The following NECAB2 variants were observed in gnomAD, a reference collection of about 807,000 sequenced individuals.
The protein encoded by NECAB2 is N-terminal EF-hand calcium-binding protein 2.
Under a neutral mutation model 51.9 loss-of-function variants are expected in NECAB2, and 68 were observed. That is an observed-to-expected ratio of 1.31 (90% CI 1.08 to 1.60). NECAB2 has a LOEUF of 1.60. NECAB2 is among the 40% of genes most tolerant of loss of function. NECAB2 has a pLI of 0.00. For synonymous variants in NECAB2, 329 were observed against 203.5 expected (o/e 1.62, Z -5.25); for missense variants, 854 against 490.3 (o/e 1.74, Z -7.00).
At chr16:83,997,146 C>CT (rs2084715341) in intron 8 of NECAB2, 70 bp from the exon 9 acceptor site, 1 of 1,596,864 alleles carries the variant, frequency 6.3e-7, no homozygotes, top group African/African-American at 1.3e-5. Context: ...CCAGGGATCC[C>CT]AGAGCTCCTG....
chr16:83,971,200 A>G (rs1373528990), intron 1 of NECAB2, among the ~76,000 whole-genome samples: 1 of 152,194 alleles, frequency 6.6e-6, no homozygotes, highest in Non-Finnish European at 1.5e-5. Flanking sequence ...CTGCATTGCA[A>G]ACAAGCTCCT....
chr16:83,999,608 A>C (rs1005376005), intron 10 of NECAB2, among the ~76,000 whole-genome samples: 3 of 152,004 alleles, frequency 2.0e-5, no homozygotes, highest in African/African-American at 7.3e-5. Context: ...CTTTATGGTC[A>C]CTTGGGGCTT....
chr16:83,972,943 C>T (rs534850195), intron 2 of NECAB2, among the ~76,000 whole-genome samples: 4 of 152,328 alleles, frequency 2.6e-5, no homozygotes, highest in East Asian at 1.9e-4. Context: ...ACGCAACTCA[C>T]CGTGGACTTG....
chr16:83,965,515 C>T, upstream of NECAB2: 1 of 1,612,294 alleles, frequency 6.2e-7, no homozygotes, highest in Non-Finnish European at 8.5e-7. Flanking sequence ...TGATCCATGC[C>T]TTCCGCCGGG....
intron 5 of NECAB2, among the ~76,000 whole-genome samples, chr16:83,981,430 G>A (rs993655534): frequency 9.0e-5 from 13 of 143,886 alleles, no homozygotes; most frequent in African/African-American, 2.8e-4. Context: ...GACAGGTGTC[G>A]TACCCTTCAG....
rs1261120982 is a variant in NECAB2, at chr16:84,002,048, C to T, written c.1132+132C>T. 13 of 1,142,590 alleles carry T rather than the reference C, an allele frequency of 1.1e-5. No homozygotes were observed. The South Asian group carries it at 1.4e-4, about 12-fold the overall frequency. 70.8% of individuals were successfully genotyped at this position (1,142,590 alleles called of 1,614,324 possible). ...CCACTGTCAGCTCCTGCCACCAATG[C>T]CAGGCTCAGAGCCAGCCCTGAGGTG... is the stretch of plus-strand genomic sequence containing the variant. On this transcript the variant is annotated intron_variant, in intron 12 of 12. Transcript: ENST00000305202.
At chr16:83,965,887 C>T (rs1242465167), upstream of NECAB2, 1 of 1,612,920 alleles carries the variant, frequency 6.2e-7, no homozygotes, top group South Asian at 1.1e-5. Flanking sequence ...AGAGCACCCG[C>T]CAGGAGGGCC....
chr16:83,994,520 C>T (rs970573158), intron 7 of NECAB2, 89 bp from the exon 8 acceptor site: 3 of 1,594,992 alleles, frequency 1.9e-6, no homozygotes, highest in African/African-American at 1.3e-5. Flanking sequence ...AAGTTTGATG[C>T]CCCTGGAGGG....
At chr16:84,000,688 C>G in intron 10 of NECAB2, 36 bp from the exon 11 acceptor site, 1 of 1,605,672 alleles carries the variant, frequency 6.2e-7, no homozygotes, top group Non-Finnish European at 8.5e-7. Flanking sequence ...CTTGGTTGAG[C>G]TCCAGCCTCC....
intron 1 of NECAB2, among the ~76,000 whole-genome samples, chr16:83,969,449 A>G (rs1039227270): frequency 2.6e-5 from 4 of 151,818 alleles, no homozygotes; most frequent in African/African-American, 9.7e-5. Context: ...ATCAGCCCTG[A>G]GCTGGTACCC....
chr16:84,002,337 A>C lies in NECAB2; in HGVS notation c.1152A>C (p.Gly384=), dbSNP rs1386392530. Residue 384 remains glycine (G), a synonymous_variant, in exon 13 of 13, where the codon GGA becomes GGC. Transcript: ENST00000305202. The stretch of plus-strand genomic sequence containing the variant: ...TTTTAGCTGCTTGGTGCACGGTGGG[A>C]CGGGACTGACAGCCTCCCAGAGGCC... The part of the protein sequence containing the change: ...ILVPAAWCTV[G]RD The C allele has an allele frequency of 1.9e-6, 3 of 1,613,862 alleles. No individual in the cohort carries two copies. In the African/African-American group the frequency reaches 4.0e-5, roughly 22 times the overall value.
chr16:83,966,302 C>T (rs1330352779), upstream of NECAB2: 7 of 458,468 alleles, frequency 1.5e-5, no homozygotes, highest in Non-Finnish European at 2.7e-5. Context: ...CTTCCAGAAG[C>T]AGGTCCCAAA....
chr16:83,999,209 C>T (rs34956894), intron 10 of NECAB2, among the ~76,000 whole-genome samples: 7,671 of 152,218 alleles, frequency 0.05, 201 homozygotes, highest in East Asian at 0.11. Flanking sequence ...GGCAGGAGTG[C>T]GGCCGTTCCC....
intron 9 of NECAB2, among the ~76,000 whole-genome samples, chr16:83,997,576 C>G (rs1342399650): frequency 7.0e-6 from 1 of 143,506 alleles, no homozygotes; most frequent in Non-Finnish European, 1.5e-5. Flanking sequence ...CAACCTCTGC[C>G]TCCTGGGTTC....
rs111796161 is a variant in NECAB2 at position 83,996,868 on chromosome 16, C to A, written c.796-348C>A. ...GGGAAGACCAGAGAGAACAGTTCAC[C>A]CCATTAGATCCCTGAGGTGCTGGGG... is the stretch of plus-strand genomic sequence containing the variant. On this transcript the variant is annotated intron_variant, in intron 8 of 12. Coordinates refer to ENST00000305202, the MANE Select transcript of NECAB2 (RefSeq NM_019065.3). Among the ~76,000 whole-genome samples, 848 of 152,154 alleles carry A rather than the reference C, an allele frequency of 5.6e-3. 10 individuals are homozygous for A. The highest frequency in any genetic ancestry group is 0.02 in the African/African-American group (813 of 41,486).
chr16:83,972,788 T>G (rs1245505696), intron 2 of NECAB2, among the ~76,000 whole-genome samples: 1 of 152,148 alleles, frequency 6.6e-6, no homozygotes, highest in East Asian at 1.9e-4. Flanking sequence ...TTCATAGCGC[T>G]CCACTTCTCC....
rs779238174 is a variant in NECAB2, at chr16:83,998,203, A to C, written c.850-2A>C. ...CACACTGACTCCTGCTGTGCCCGGCAGCACCTGCAGCTGGTCCGGCAGGAG... is the reference window on the plus strand; with the variant it reads ...CACACTGACTCCTGCTGTGCCCGGCCGCACCTGCAGCTGGTCCGGCAGGAG... On this transcript the variant is annotated splice_acceptor_variant, in intron 9 of 12. Transcript: ENST00000305202. LOFTEE classifies it high-confidence loss of function. The C allele has an allele frequency of 1.9e-6, 3 of 1,608,398 alleles. No individual in the cohort carries two copies. Among genetic ancestry groups the C allele is most frequent in the African/African-American group, 1.3e-5 (1 of 75,068 alleles).
intron 9 of NECAB2, among the ~76,000 whole-genome samples, chr16:83,997,841 T>C (rs988120681): frequency 1.3e-5 from 2 of 152,102 alleles, no homozygotes; most frequent in African/African-American, 4.8e-5. Context: ...TAGAGCAAAG[T>C]GATCAGCCAG....
At chr16:83,965,239 G>C (rs748717139), upstream of NECAB2, 3 of 1,612,414 alleles carry the variant, frequency 1.9e-6, no homozygotes, top group Non-Finnish European at 2.5e-6. Context: ...TCTTCCAGGT[G>C]AGCGGCTTCC....
Sources: allele counts gnomAD v4.1 joint callset (sites outside exome capture counted in the v4.1 genomes callset), GRCh38; gene constraint gnomAD v4.1.1; transcripts MANE v1.5; gene names NCBI Gene and HGNC (gene_info 2026-07-23, HGNC 2026-07-21).